Variants in CPEB1 observed in about 807,000 individuals in gnomAD.
CPEB1 encodes the protein cytoplasmic polyadenylation element-binding protein 1.
CPEB1 carries 7 observed loss-of-function variants against 65.8 expected under a neutral mutation model. That is an observed-to-expected ratio of 0.11 (90% CI 0.06 to 0.20). CPEB1 has a LOEUF of 0.20. CPEB1 is among the 10% of genes least tolerant of loss of function. The pLI is 1.00. For synonymous variants in CPEB1, 262 were observed against 260.0 expected (o/e 1.01, Z -0.08); for missense variants, 551 against 712.2 (o/e 0.77, Z 2.58).
chr15:82,630,025 C>T (rs902041118), intron 1 of CPEB1: 18 of 985,284 alleles, frequency 1.8e-5, no homozygotes, highest in Non-Finnish European at 3.6e-6. Flanking sequence ...CAGTGACACA[C>T]AAGGCCCTTT....
At chr15:82,553,257 G>C (rs758171712) in intron 8 of CPEB1, among the ~76,000 whole-genome samples, 15 of 152,184 alleles carry the variant, frequency 9.9e-5, no homozygotes, top group Non-Finnish European at 1.3e-4. Flanking sequence ...TGCTGTGTAA[G>C]TCTGGACAGA....
intron 4 of CPEB1, among the ~76,000 whole-genome samples, chr15:82,570,736 A>C (rs783543): frequency 0.65 from 97,670 of 151,422 alleles, 31,967 homozygotes; most frequent in African/African-American, 0.76. Flanking sequence ...AAAAAAAAAA[A>C]AGATTCTATA....
chr15:82,560,955 A>G (rs558306694), intron 4 of CPEB1, among the ~76,000 whole-genome samples: 32 of 152,410 alleles, frequency 2.1e-4, no homozygotes, highest in Admixed American at 1.7e-3. Flanking sequence ...AGAATTGATG[A>G]TAACAGCAAC....
chr15:82,625,271 G>C (rs555331279), intron 3 of CPEB1, among the ~76,000 whole-genome samples: 21 of 152,132 alleles, frequency 1.4e-4, no homozygotes, highest in Middle Eastern at 3.4e-3. Context: ...TTTTTCTTTT[G>C]TACAAGTCAG....
chr15:82,563,116 G>A (rs2038513195), intron 4 of CPEB1, among the ~76,000 whole-genome samples: 1 of 152,156 alleles, frequency 6.6e-6, no homozygotes, highest in South Asian at 2.1e-4. Context: ...GCTGATCACT[G>A]TGAAAAACAT....
At chr15:82,549,992 A>C (rs2035962821) in intron 9 of CPEB1, among the ~76,000 whole-genome samples, 1 of 152,114 alleles carries the variant, frequency 6.6e-6, no homozygotes, top group Non-Finnish European at 1.5e-5. Context: ...AGTTCCAACA[A>C]AGGGCTGTGG....
intron 4 of CPEB1, among the ~76,000 whole-genome samples, chr15:82,565,512 G>A (rs2151018596): frequency 6.6e-6 from 1 of 152,280 alleles, no homozygotes; most frequent in East Asian, 1.9e-4. Context: ...ATACCTAACT[G>A]GAAAGGCATT....
chr15:82,563,927 A>G (rs1227821586), intron 4 of CPEB1, among the ~76,000 whole-genome samples: 1 of 152,182 alleles, frequency 6.6e-6, no homozygotes, highest in Non-Finnish European at 1.5e-5. Flanking sequence ...GAAATCAAGC[A>G]CAAGTAATAG....
intron 1 of CPEB1, among the ~76,000 whole-genome samples, chr15:82,643,519 C>G (rs1004126812): frequency 1.3e-5 from 2 of 151,858 alleles, no homozygotes; most frequent in African/African-American, 2.4e-5. Flanking sequence ...GTCCCCACTA[C>G]TTGGGAGGCT....
intron 3 of CPEB1, among the ~76,000 whole-genome samples, chr15:82,577,421 A>AG (rs2040777074): frequency 1.3e-5 from 2 of 152,196 alleles, no homozygotes; most frequent in Non-Finnish European, 2.9e-5. Context: ...AATGTTGCAC[A>AG]AAAACTATTT....
chr15:82,639,744 T>C (rs2046952542), intron 1 of CPEB1, among the ~76,000 whole-genome samples: 1 of 152,066 alleles, frequency 6.6e-6, no homozygotes, highest in South Asian at 2.1e-4. Flanking sequence ...GAACAAACAA[T>C]ATGGTTTATG....
At chr15:82,595,184 T>C (rs1225739450) in intron 3 of CPEB1, among the ~76,000 whole-genome samples, 1 of 152,254 alleles carries the variant, frequency 6.6e-6, no homozygotes, top group Non-Finnish European at 1.5e-5. Context: ...ATATGAGGTA[T>C]GCCTGTACTA....
At chr15:82,550,324 A>C (rs955770113) in intron 9 of CPEB1, among the ~76,000 whole-genome samples, 7 of 152,214 alleles carry the variant, frequency 4.6e-5, no homozygotes, top group Admixed American at 4.6e-4. Context: ...TGAAGATCTA[A>C]AAATATGTCT....
intron 3 of CPEB1, among the ~76,000 whole-genome samples, chr15:82,594,164 G>A (rs750406439): frequency 6.6e-6 from 1 of 152,154 alleles, no homozygotes; most frequent in African/African-American, 2.4e-5. Flanking sequence ...AGCTAGGAAA[G>A]TCCTAGATGG....
At chr15:82,588,163 G>A (rs2041952218) in intron 3 of CPEB1, among the ~76,000 whole-genome samples, 2 of 151,734 alleles carry the variant, frequency 1.3e-5, no homozygotes. Context: ...GCCCAGGCTG[G>A]TCTCGAACTC....
intron 3 of CPEB1, among the ~76,000 whole-genome samples, chr15:82,578,771 A>G (rs767127566): frequency 6.6e-6 from 1 of 151,986 alleles, no homozygotes; most frequent in Non-Finnish European, 1.5e-5. Flanking sequence ...AAACAAACAA[A>G]CAAAAAAAAC....
intron 4 of CPEB1, among the ~76,000 whole-genome samples, chr15:82,563,996 G>C (rs2038683058): frequency 6.6e-6 from 1 of 152,112 alleles, no homozygotes; most frequent in South Asian, 2.1e-4. Flanking sequence ...TCTATTAGAA[G>C]AAATAATCTT....
chr15:82,621,086 A>G (rs1596119125), intron 3 of CPEB1, among the ~76,000 whole-genome samples: 1 of 152,230 alleles, frequency 6.6e-6, no homozygotes, highest in Non-Finnish European at 1.5e-5. Context: ...AATTTCAATC[A>G]TTTCCTGCAA....
At chr15:82,609,024 G>A (rs2043885056) in intron 3 of CPEB1, among the ~76,000 whole-genome samples, 6 of 152,116 alleles carry the variant, frequency 3.9e-5, no homozygotes, top group Admixed American at 6.5e-5. Flanking sequence ...AGAATTAGAA[G>A]TCAGTAACAG....
Sources: allele counts gnomAD v4.1 joint callset (sites outside exome capture counted in the v4.1 genomes callset), GRCh38; gene constraint gnomAD v4.1.1; transcripts MANE v1.5; gene names NCBI Gene and HGNC (gene_info 2026-07-23, HGNC 2026-07-21).